Variants in CSMD1 observed in about 807,000 individuals in gnomAD.
CSMD1 encodes the protein CUB and Sushi multiple domains 1, also known as CUB and sushi domain-containing protein 1.
In CSMD1, 213 loss-of-function variants were observed where a neutral mutation model predicts 417.5. That is an observed-to-expected ratio of 0.51 (90% confidence interval 0.46 to 0.57). The LOEUF is 0.57. CSMD1 is among the 20% of genes least tolerant of loss of function. The pLI is 0.00. For synonymous variants in CSMD1, 2,862 were observed against 1,736.8 expected, an observed-to-expected ratio of 1.65 and a Z score of -16.11; for missense variants, 6,923 against 4,529.7, an observed-to-expected ratio of 1.53 and a Z score of -15.17.
intron 1 of CSMD1, among the ~76,000 whole-genome samples, chr8:4,986,597 A>G (rs1054922649): frequency 6.6e-6 from 1 of 151,924 alleles, no homozygotes; most frequent in East Asian, 1.9e-4. Flanking sequence ...AAACAGTAAA[A>G]GAAAAAAAAT....
At chr8:3,886,580 G>C (rs1303344942) in intron 5 of CSMD1, among the ~76,000 whole-genome samples, 1 of 152,192 alleles carries the variant, frequency 6.6e-6, no homozygotes, top group African/African-American at 2.4e-5. Context: ...TGCAGGAAAA[G>C]TTTATTTTCC....
intron 3 of CSMD1, among the ~76,000 whole-genome samples, chr8:4,113,529 T>G (rs1304373591): frequency 1.3e-5 from 2 of 151,504 alleles, no homozygotes; most frequent in Admixed American, 6.6e-5. Context: ...CTCTGCCTCC[T>G]GAGTAGCTGG....
chr8:4,585,979 T>C (rs1208409474), intron 2 of CSMD1, among the ~76,000 whole-genome samples: 1 of 152,170 alleles, frequency 6.6e-6, no homozygotes, highest in Non-Finnish European at 1.5e-5. Flanking sequence ...AATTTGAAAA[T>C]TAATTCAAAC....
At chr8:3,155,358 G>GGTTTTTTTTTTTTTTTTTTTTTTTT (rs763097673) in intron 39 of CSMD1, among the ~76,000 whole-genome samples, 1 of 48,094 alleles carries the variant, frequency 2.1e-5, no homozygotes, top group Non-Finnish European at 4.2e-5. Flanking sequence ...TCAAGGCTGG[G>GGTTTTTTTTTTTTTTTTTTTTTTTT]ATTTTTTTTT....
chr8:4,415,759 G>C (rs1055988658), intron 3 of CSMD1, among the ~76,000 whole-genome samples: 1 of 152,188 alleles, frequency 6.6e-6, no homozygotes, highest in African/African-American at 2.4e-5. Context: ...ACTTGTGCAC[G>C]TATAAGTATG....
intron 7 of CSMD1, among the ~76,000 whole-genome samples, chr8:3,684,382 T>C (rs1007450866): frequency 1.1e-4 from 17 of 147,868 alleles, no homozygotes; most frequent in Admixed American, 4.8e-4. Context: ...ATATATAAAA[T>C]GTATAACATA....
chr8:4,645,661 G>A (rs781628743), intron 1 of CSMD1, among the ~76,000 whole-genome samples: 1 of 152,038 alleles, frequency 6.6e-6, no homozygotes, highest in Admixed American at 6.6e-5. Context: ...GGAAGCAGGG[G>A]TAGACACAGA....
chr8:4,404,634 T>A (rs1221673492), intron 3 of CSMD1, among the ~76,000 whole-genome samples: 1 of 152,132 alleles, frequency 6.6e-6, no homozygotes, highest in Non-Finnish European at 1.5e-5. Context: ...CTAAGTAATG[T>A]GAATTTATAT....
chr8:4,117,703 A>G (rs975716518), intron 3 of CSMD1, among the ~76,000 whole-genome samples: 2 of 152,190 alleles, frequency 1.3e-5, no homozygotes, highest in Admixed American at 6.5e-5. Flanking sequence ...TTCTCTAGTC[A>G]GTAACTTCAT....
intron 1 of CSMD1, among the ~76,000 whole-genome samples, chr8:4,725,607 C>T (rs772455650): frequency 2.6e-5 from 4 of 152,132 alleles, no homozygotes; most frequent in Admixed American, 6.6e-5. Flanking sequence ...CTCAAATGTC[C>T]ACTTTTTAAA....
chr8:3,978,189 G>A (rs1034793728), intron 5 of CSMD1, among the ~76,000 whole-genome samples: 1 of 152,154 alleles, frequency 6.6e-6, no homozygotes, highest in African/African-American at 2.4e-5. Context: ...CAGGACTCCT[G>A]TTATTACCAA....
intron 5 of CSMD1, among the ~76,000 whole-genome samples, chr8:3,769,369 C>G (rs985620015): frequency 6.6e-6 from 1 of 151,724 alleles, no homozygotes; most frequent in Non-Finnish European, 1.5e-5. Flanking sequence ...ATAACAATAT[C>G]CATTAAATAC....
intron 3 of CSMD1, among the ~76,000 whole-genome samples, chr8:4,310,140 C>A (rs1029393412): frequency 2.0e-5 from 3 of 152,178 alleles, no homozygotes; most frequent in African/African-American, 4.8e-5. Context: ...CTAGTAACTG[C>A]TTCACGTTTC....
At chr8:3,355,209 T>A (rs1410243160) in intron 21 of CSMD1, among the ~76,000 whole-genome samples, 1 of 152,056 alleles carries the variant, frequency 6.6e-6, no homozygotes, top group Non-Finnish European at 1.5e-5. Flanking sequence ...TAAAAAAATC[T>A]CTTACTAGAT....
intron 5 of CSMD1, among the ~76,000 whole-genome samples, chr8:3,853,045 C>T (rs867546728): frequency 2.0e-5 from 3 of 152,178 alleles, no homozygotes; most frequent in South Asian, 4.1e-4. Flanking sequence ...GTCCTCATGT[C>T]ATCAGTCGAG....
chr8:3,943,361 A>T (rs1319945818), intron 5 of CSMD1, among the ~76,000 whole-genome samples: 1 of 144,208 alleles, frequency 6.9e-6, no homozygotes, highest in Admixed American at 6.9e-5. Context: ...AATTTTGTTA[A>T]AAAAAAAAAA....
intron 62 of CSMD1, among the ~76,000 whole-genome samples, chr8:2,958,430 C>T (rs911608632): frequency 6.6e-6 from 1 of 152,224 alleles, no homozygotes; most frequent in Non-Finnish European, 1.5e-5. Flanking sequence ...ATTTCCCCAA[C>T]GTATCTGCTC....
intron 1 of CSMD1, among the ~76,000 whole-genome samples, chr8:4,850,412 G>A (rs561171499): frequency 3.0e-5 from 1 of 33,458 alleles, no homozygotes; most frequent in East Asian, 7.6e-4. Flanking sequence ...TTTTGCTCTT[G>A]CCTTTAGTAA....
chr8:3,360,586 AAGAAGAGTTTC>A (rs560123538), intron 20 of CSMD1, among the ~76,000 whole-genome samples: 52 of 152,348 alleles, frequency 3.4e-4, no homozygotes, highest in African/African-American at 1.1e-3. Flanking sequence ...TTGGAATGGT[AAGAAGAGTTTC>A]AGAGAGAATC....
Sources: gnomAD v4.1 joint callset for allele counts (sites outside exome capture counted in the v4.1 genomes callset) on GRCh38, gnomAD v4.1.1 for gene constraint, MANE v1.5 for transcripts, NCBI Gene and HGNC (gene_info 2026-07-23, HGNC 2026-07-21) for gene names.